Variants in FHL2 observed in about 807,000 individuals in gnomAD.
FHL2 encodes the protein four and a half LIM domains 2.
In FHL2, 20 loss-of-function variants were observed where a neutral mutation model predicts 32.7. That is an observed-to-expected ratio of 0.61 (90% confidence interval 0.43 to 0.89). The LOEUF is 0.89. Among genes scored for constraint, FHL2 ranks in the 40% least tolerant of loss-of-function variants. The probability of loss-of-function intolerance (pLI) is 0.00; values close to 1 mark genes in which losing one functional copy is unlikely to be tolerated. For missense variants in FHL2, 311 were observed against 358.6 expected (o/e 0.87, Z 1.07); for synonymous variants, 123 against 128.1 (o/e 0.96, Z 0.27).
At chr2:105,385,489 A>C (rs115856997) in intron 3 of FHL2, among the ~76,000 whole-genome samples, 13 of 152,268 alleles carry the variant, frequency 8.5e-5, no homozygotes, top group Admixed American at 6.5e-4. Flanking sequence ...GAAAAGAGAT[A>C]GTAAAATGCC....
At chr2:105,377,267 A>G (rs572886712) in intron 3 of FHL2, among the ~76,000 whole-genome samples, 158 of 152,342 alleles carry the variant, frequency 1.0e-3, no homozygotes, top group Non-Finnish European at 1.8e-3. Flanking sequence ...ACTACTGAAC[A>G]GTACTCTTAA....
upstream of FHL2, among the ~76,000 whole-genome samples, chr2:105,402,124 TAC>T (rs1683490770): frequency 1.3e-5 from 2 of 149,634 alleles, no homozygotes; most frequent in Non-Finnish European, 3.0e-5. Flanking sequence ...TATACATATA[TAC>T]ATATACACAT....
chr2:105,419,001 A>G (rs761891926), intron 1 of FHL2, among the ~76,000 whole-genome samples: 3 of 152,212 alleles, frequency 2.0e-5, no homozygotes, highest in Non-Finnish European at 4.4e-5. Context: ...CTTGGAACTT[A>G]TCCCCACCAG....
At chr2:105,371,398 C>T (rs899848907) in intron 4 of FHL2, among the ~76,000 whole-genome samples, 8 of 152,140 alleles carry the variant, frequency 5.3e-5, no homozygotes, top group Non-Finnish European at 1.0e-4. Context: ...ACACACCCTG[C>T]CTGAGTTTCC....
chr2:105,373,987 A>T (rs1681287077), intron 3 of FHL2: 1 of 515,850 alleles, frequency 1.9e-6, no homozygotes, highest in African/African-American at 1.9e-5. Context: ...TGTGTGAGAG[A>T]TGCTTCTAAA....
At chr2:105,400,240 A>T (rs1683415824), upstream of FHL2, among the ~76,000 whole-genome samples, 1 of 152,190 alleles carries the variant, frequency 6.6e-6, no homozygotes, top group African/African-American at 2.4e-5. Flanking sequence ...GGGATGTGGT[A>T]GATGGCAAAG....
At chr2:105,391,390 G>C (rs1682722893) in intron 2 of FHL2, among the ~76,000 whole-genome samples, 1 of 152,176 alleles carries the variant, frequency 6.6e-6, no homozygotes, top group Non-Finnish European at 1.5e-5. Context: ...GAGCAGGCAG[G>C]CATCCCAGAG....
chr2:105,363,496 G>A, intron 5 of FHL2, 25 bp from the exon 6 acceptor site: 1 of 1,581,834 alleles, frequency 6.3e-7, no homozygotes, highest in Non-Finnish European at 8.6e-7. Flanking sequence ...GGGAGAGTTA[G>A]TGTGGCCTCT....
intron 5 of FHL2, among the ~76,000 whole-genome samples, chr2:105,365,781 G>A (rs549234056): frequency 1.3e-5 from 2 of 151,960 alleles, no homozygotes; most frequent in African/African-American, 2.4e-5. Flanking sequence ...GAAAGCAGAG[G>A]TTGCAGTGAG....
At chr2:105,429,126 A>G (rs1388978948) in intron 1 of FHL2, among the ~76,000 whole-genome samples, 1 of 152,220 alleles carries the variant, frequency 6.6e-6, no homozygotes, top group Non-Finnish European at 1.5e-5. Context: ...TCTGGGATCC[A>G]GAGGTTTCCA....
chr2:105,425,493 G>T (rs1182332238), intron 1 of FHL2, among the ~76,000 whole-genome samples: 1 of 151,890 alleles, frequency 6.6e-6, no homozygotes, highest in East Asian at 2.0e-4. Flanking sequence ...TCTGTGCTGA[G>T]GTGGATTAGT....
At chr2:105,392,703 CAG>C (rs1315363011) in intron 2 of FHL2, among the ~76,000 whole-genome samples, 1 of 146,314 alleles carries the variant, frequency 6.8e-6, no homozygotes, top group Non-Finnish European at 1.5e-5. Flanking sequence ...GAAAAGGAAA[CAG>C]AAAGAGTAAA....
At chr2:105,396,109 G>A (rs1353360552) in intron 2 of FHL2, among the ~76,000 whole-genome samples, 2 of 152,178 alleles carry the variant, frequency 1.3e-5, no homozygotes, top group East Asian at 3.8e-4. Context: ...TGTTACCAGA[G>A]AGCTGTAATA....
intron 1 of FHL2, among the ~76,000 whole-genome samples, chr2:105,430,347 C>A (rs1156320130): frequency 6.6e-6 from 1 of 152,162 alleles, no homozygotes; most frequent in African/African-American, 2.4e-5. Context: ...GTCAGAGAAG[C>A]CAGAACCACT....
intron 4 of FHL2, among the ~76,000 whole-genome samples, chr2:105,368,335 T>C (rs1004913424): frequency 2.0e-5 from 3 of 151,384 alleles, no homozygotes; most frequent in African/African-American, 7.3e-5. Flanking sequence ...CTACATGTAG[T>C]TTTTTTTTGT....
At chr2:105,421,187 G>A (rs549327572) in intron 1 of FHL2, among the ~76,000 whole-genome samples, 54 of 152,316 alleles carry the variant, frequency 3.5e-4, no homozygotes, top group East Asian at 1.2e-3. Context: ...TGGTCCCATC[G>A]TCACTGGGTT....
chr2:105,380,703 C>A (rs142090534), intron 3 of FHL2, among the ~76,000 whole-genome samples: 1 of 152,198 alleles, frequency 6.6e-6, no homozygotes, highest in East Asian at 1.9e-4. Context: ...AATATGGACA[C>A]CTTGACAGAC....
intron 3 of FHL2, chr2:105,373,971 T>C (rs1050955653): frequency 2.2e-5 from 12 of 553,882 alleles, no homozygotes; most frequent in Admixed American, 2.2e-4. Context: ...TGTATGCACA[T>C]GTCTGTGTGT....
intron 5 of FHL2, among the ~76,000 whole-genome samples, chr2:105,364,470 G>A (rs1053339640): frequency 5.3e-5 from 8 of 152,202 alleles, no homozygotes; most frequent in African/African-American, 1.2e-4. Context: ...CTGTCTTGTG[G>A]TCTTAGAACA....
Sources: gnomAD v4.1 joint callset for allele counts (sites outside exome capture counted in the v4.1 genomes callset) on GRCh38, gnomAD v4.1.1 for gene constraint, MANE v1.5 for transcripts, NCBI Gene and HGNC (gene_info 2026-07-23, HGNC 2026-07-21) for gene names.